The following DEPDC5 variants were observed in gnomAD, a reference collection of about 807,000 sequenced individuals.
The protein encoded by DEPDC5 is GATOR1 complex protein DEPDC5.
In DEPDC5, 73 loss-of-function variants were observed where a neutral mutation model predicts 217.3. That is an observed-to-expected ratio of 0.34 (90% CI 0.28 to 0.41). The LOEUF (loss-of-function observed/expected upper bound fraction) is 0.41. Ranked by LOEUF, DEPDC5 falls within the 10% of genes least tolerant of loss-of-function variation. DEPDC5 has a pLI of 1.00. For synonymous variants in DEPDC5, 733 were observed against 756.7 expected, an observed-to-expected ratio of 0.97 and a Z score of 0.51; for missense variants, 1,675 against 2,070.1, an observed-to-expected ratio of 0.81 and a Z score of 3.70.
chr22:31,774,204 CTTTT>C (rs199567632), intron 7 of DEPDC5, among the ~76,000 whole-genome samples: 1 of 142,420 alleles, frequency 7.0e-6, no homozygotes. Flanking sequence ...CACATTGTAA[CTTTT>C]TTTTTTTTTT....
chr22:31,901,234 C>T (rs1328061487), intron 40 of DEPDC5, among the ~76,000 whole-genome samples: 3 of 147,318 alleles, frequency 2.0e-5, no homozygotes. Flanking sequence ...CCAAGCAAGA[C>T]TCTCCCTCAA....
At chr22:31,765,316 G>A (rs2082717449) in intron 5 of DEPDC5, among the ~76,000 whole-genome samples, 1 of 151,948 alleles carries the variant, frequency 6.6e-6, no homozygotes, top group African/African-American at 2.4e-5. Context: ...TTTTGAAATG[G>A]AGTATCACTG....
chr22:31,766,458 T>C, intron 5 of DEPDC5, 127 bp from the exon 6 acceptor site: 1 of 824,026 alleles, frequency 1.2e-6, no homozygotes, highest in Non-Finnish European at 2.0e-6. Context: ...AGAGTTCTGC[T>C]ACTGAATGGT....
chr22:31,836,971 G>T lies in DEPDC5; in HGVS notation c.2171-1G>T. On this transcript the variant is annotated splice_acceptor_variant, in intron 25 of 42. Coordinates refer to ENST00000651528, the MANE Select transcript of DEPDC5 (RefSeq NM_001242896.3). LOFTEE classifies it high-confidence loss of function. ...CCTTTTCCCCCTGTTACGTGAGGCAGTTCTGACACTGTCTGCTCCCCCTGT... is the reference window on the plus strand; with the variant it reads ...CCTTTTCCCCCTGTTACGTGAGGCATTTCTGACACTGTCTGCTCCCCCTGT... 2 of 1,612,652 alleles carry T rather than the reference G, an allele frequency of 1.2e-6. No homozygotes were observed. The highest frequency in any genetic ancestry group is 1.7e-6 in the Non-Finnish European group (2 of 1,179,554).
Position 31,906,494 on chromosome 22 carries a change from G to A in DEPDC5, c.4809G>A (p.Pro1603=), listed in dbSNP as rs201307299. 2.7e-5 allele frequency: 44 copies of A among 1,613,588 alleles called. No individual in the cohort carries two copies. Among genetic ancestry groups the A allele is most frequent in the East Asian group, 2.7e-4 (12 of 44,878 alleles). The change falls in exon 43 of 43, where the codon CCG becomes CCA. Residue 1603 remains proline (P), a synonymous_variant. Coordinates refer to ENST00000651528, the MANE Select transcript of DEPDC5 (RefSeq NM_001242896.3). The surrounding 1 kb of genome is among the most constrained non-coding windows in gnomAD (Gnocchi z 5.1). ...SCLEKMHASA[P] ...TGGAGAAGATGCATGCCAGTGCCCC[G>A]TGAGGCCAGGCTGCACCTGTGCTGG...
intron 2 of DEPDC5, chr22:31,755,239 A>G: frequency 2.0e-6 from 1 of 497,176 alleles, no homozygotes; most frequent in South Asian, 2.7e-5. Context: ...TTAATTACAA[A>G]TCTTCCGTGT....
At chr22:31,870,343 G>T (rs1388663044) in intron 33 of DEPDC5, among the ~76,000 whole-genome samples, 1 of 152,174 alleles carries the variant, frequency 6.6e-6, no homozygotes, top group Non-Finnish European at 1.5e-5. Flanking sequence ...CCTGGTTGGA[G>T]GGTGGGAGTT....
In DEPDC5 at chr22:31,836,958, G is replaced by T; in HGVS notation, c.2171-14G>T. On this transcript the variant is annotated splice_polypyrimidine_tract_variant and intron_variant, in intron 25 of 42. Coordinates refer to ENST00000651528, the MANE Select transcript of DEPDC5 (RefSeq NM_001242896.3). ...GTGACCACATGTACCTTTTCCCCCTGTTACGTGAGGCAGTTCTGACACTGT... is the reference window on the plus strand; with the variant it reads ...GTGACCACATGTACCTTTTCCCCCTTTTACGTGAGGCAGTTCTGACACTGT... 1 of 1,601,098 alleles carries T rather than the reference G, an allele frequency of 6.2e-7. No individual in the cohort carries two copies. The highest frequency in any genetic ancestry group is 8.5e-7 in the Non-Finnish European group (1 of 1,174,500).
intron 1 of DEPDC5, among the ~76,000 whole-genome samples, 182 bp from the exon 2 acceptor site, chr22:31,754,680 G>A (rs941685418): frequency 5.3e-5 from 8 of 152,228 alleles, no homozygotes; most frequent in Non-Finnish European, 1.0e-4. Context: ...CTTAGTTCCT[G>A]GATTCTGTGG....
chr22:31,907,379 G>T lies in DEPDC5; in HGVS notation c.*882G>T, dbSNP rs752434443. 4.9e-4 allele frequency: 73 copies of T among 149,068 alleles called. No homozygotes were observed. Among genetic ancestry groups the T allele is most frequent in the African/African-American group, 1.4e-3 (55 of 39,298 alleles). The allele number at this position is 149,068 out of a possible 1,614,324, so 9.2% of individuals were successfully genotyped here. A position where few individuals can be genotyped will look rare whatever the true frequency, so the allele number is the denominator to read the frequency against. On this transcript the variant is annotated 3_prime_UTR_variant, in exon 43 of 43. Transcript: ENST00000651528. The stretch of plus-strand genomic sequence containing the variant: ...GTAGACTCTAACTTAGGTTTTTTTT[G>T]TTGTTGTTTTTTTTGTTGTTTTTTT...
At chr22:31,813,413 G>A (rs1191324683) in intron 20 of DEPDC5, among the ~76,000 whole-genome samples, 2 of 152,148 alleles carry the variant, frequency 1.3e-5, no homozygotes, top group African/African-American at 4.8e-5. Flanking sequence ...ATGGCTAAGC[G>A]TATACTGGTG....
chr22:31,758,548 G>C lies in DEPDC5; in HGVS notation c.61G>C (p.Asp21His). The change falls in exon 3 of 43, where the codon GAT becomes CAT. Residue 21 changes from aspartate (D) to histidine (H), a missense_variant and splice_region_variant. By Grantham distance (81) the Asp-to-His change is moderately conservative (BLOSUM62 -1). Transcript: ENST00000651528. Reference protein sequence around the residue: ...IHKKGFGGSDDELVVNPKVFP... With the variant: ...IHKKGFGGSDHELVVNPKVFP... ...GAAGTGGCTGAATTGTCTTTCAGAT[G>C]ATGAGCTAGTTGTGAACCCCAAAGT... 1 of 1,614,078 alleles carries C rather than the reference G, an allele frequency of 6.2e-7. No individual in the cohort carries two copies. Among genetic ancestry groups the C allele is most frequent in the Non-Finnish European group, 8.5e-7 (1 of 1,179,964 alleles).
rs1162872383 is a variant in DEPDC5 at position 31,845,146 on chromosome 22, A to G, written c.2930A>G (p.Glu977Gly). ...DIYGDRPRADEDEWQLLDGFV... is the reference protein window; with the variant it reads ...DIYGDRPRADGDEWQLLDGFV... Reference sequence around the variant, plus strand: ...TATGGGGACAGGCCCCGTGCAGACGAGGACGAGTGGCAACTCCTGGATGGT... The same window carrying G: ...TATGGGGACAGGCCCCGTGCAGACGGGGACGAGTGGCAACTCCTGGATGGT... Residue 977 changes from glutamate (E) to glycine (G), a missense_variant, in exon 30 of 43, where the codon GAG becomes GGG. Physicochemically the swap from Glu to Gly is moderately conservative, Grantham distance 98. Coordinates refer to ENST00000651528, the MANE Select transcript of DEPDC5 (RefSeq NM_001242896.3). 1.2e-6 allele frequency: 2 copies of G among 1,614,176 alleles called. No individual in the cohort carries two copies. Among genetic ancestry groups the G allele is most frequent in the Non-Finnish European group, 1.7e-6 (2 of 1,180,024 alleles).
At chr22:31,819,921 G>T (rs2089518579) in intron 22 of DEPDC5, among the ~76,000 whole-genome samples, 1 of 151,886 alleles carries the variant, frequency 6.6e-6, no homozygotes, top group Non-Finnish European at 1.5e-5. Flanking sequence ...TTTGTTTTCT[G>T]TTAGGTCTCT....
At chr22:31,803,987 C>T in intron 15 of DEPDC5, 175 bp from the exon 16 acceptor site, 1 of 612,800 alleles carries the variant, frequency 1.6e-6, no homozygotes, top group Non-Finnish European at 2.8e-6. Context: ...AAAGAGGAAA[C>T]AGACAAAATG....
rs2093663741 is a variant in DEPDC5 at position 31,902,408 on chromosome 22, T to TATATA, written c.4436+606_4436+607insATATA. ...TCTCCAGTATCCTGTCATCTCCTTA[T>TATATA]TATATATATATATATATATATATAT... On this transcript the variant is annotated intron_variant, in intron 41 of 42. Transcript: ENST00000651528. Among the ~76,000 whole-genome samples, 529 of 111,916 alleles carry TATATA rather than the reference T, an allele frequency of 4.7e-3. 13 individuals carry two copies. Among genetic ancestry groups the TATATA allele is most frequent in the African/African-American group, 0.017 (492 of 29,188 alleles). The allele number at this position is 111,916 out of a possible 152,430, so 73.4% of individuals were successfully genotyped here. A position where few individuals can be genotyped will look rare whatever the true frequency, so the allele number is the denominator to read the frequency against.
intron 27 of DEPDC5, 37 bp from the exon 28 acceptor site, chr22:31,843,058 T>A (rs752468508): frequency 6.6e-7 from 1 of 1,514,716 alleles, no homozygotes; most frequent in Non-Finnish European, 9.1e-7. Flanking sequence ...AGGAATGAGC[T>A]TCAAACAGAT....
intron 16 of DEPDC5, 99 bp downstream of exon 16, chr22:31,804,322 C>A: frequency 8.7e-7 from 1 of 1,155,008 alleles, no homozygotes; most frequent in Non-Finnish European, 1.3e-6. Flanking sequence ...GTCCCACTTA[C>A]TCGAGAGGCT....
chr22:31,785,512 C>G (rs191589647), intron 10 of DEPDC5, among the ~76,000 whole-genome samples: 22 of 151,462 alleles, frequency 1.5e-4, no homozygotes, highest in African/African-American at 5.1e-4. Context: ...GGTTGAAAGA[C>G]TTAATATTGT....
Sources: allele counts gnomAD v4.1 joint callset (sites outside exome capture counted in the v4.1 genomes callset), GRCh38; gene constraint gnomAD v4.1.1; non-coding constraint Gnocchi (gnomAD v3.1); transcripts MANE v1.5; gene names NCBI Gene and HGNC (gene_info 2026-07-23, HGNC 2026-07-21).